The following ARHGAP44 variants were observed in gnomAD, a reference collection of about 807,000 sequenced individuals.
ARHGAP44 encodes the protein Rho GTPase activating protein 44.
A neutral mutation model predicts 106.8 loss-of-function variants in ARHGAP44; 43 were observed. That is an observed-to-expected ratio of 0.40 (90% confidence interval 0.32 to 0.52). The LOEUF (loss-of-function observed/expected upper bound fraction) is 0.52, where lower values mean the gene tolerates loss of function less well. Ranked by LOEUF, ARHGAP44 falls within the 20% of genes least tolerant of loss-of-function variation. ARHGAP44 has a pLI of 0.48. For missense variants in ARHGAP44, 866 were observed against 1,050.5 expected (o/e 0.82, Z 2.43); for synonymous variants, 439 against 410.3 (o/e 1.07, Z -0.85).
At chr17:12,979,950 A>C in intron 18 of ARHGAP44, 108 bp from the exon 19 acceptor site, 7 of 1,215,352 alleles carry the variant, frequency 5.8e-6, no homozygotes, top group Non-Finnish European at 6.8e-6. Context: ...GAGCTGGGAC[A>C]GACTTGCACG....
intron 6 of ARHGAP44, among the ~76,000 whole-genome samples, chr17:12,922,983 T>C (rs1350497832): frequency 2.0e-5 from 3 of 152,232 alleles, no homozygotes; most frequent in African/African-American, 7.2e-5. Context: ...TCATCTCCTG[T>C]ATATTAAAAT....
intron 18 of ARHGAP44, 64 bp downstream of exon 18, chr17:12,974,374 C>A: frequency 7.8e-7 from 1 of 1,274,458 alleles, no homozygotes; most frequent in South Asian, 2.0e-5. Context: ...CTGGGTTGGC[C>A]GCACTGGAGG....
At chr17:12,837,600 G>GT (rs1331767129) in intron 1 of ARHGAP44, among the ~76,000 whole-genome samples, 3 of 151,396 alleles carry the variant, frequency 2.0e-5, no homozygotes, top group African/African-American at 7.3e-5. Flanking sequence ...GTAACTGCAT[G>GT]TTGTTTTTTT....
chr17:12,866,615 G>A (rs2036246396), intron 1 of ARHGAP44, among the ~76,000 whole-genome samples: 1 of 152,236 alleles, frequency 6.6e-6, no homozygotes, highest in Non-Finnish European at 1.5e-5. Flanking sequence ...AACATGTGCA[G>A]TGTGTATACA....
intron 1 of ARHGAP44, among the ~76,000 whole-genome samples, chr17:12,879,667 A>G (rs1454749219): frequency 2.1e-5 from 3 of 144,930 alleles, no homozygotes; most frequent in Non-Finnish European, 3.0e-5. Flanking sequence ...ATGTATAAAT[A>G]TATGTGTGTG....
At chr17:12,979,449 C>T (rs2039776673) in intron 18 of ARHGAP44, among the ~76,000 whole-genome samples, 1 of 152,152 alleles carries the variant, frequency 6.6e-6, no homozygotes, top group Admixed American at 6.5e-5. Flanking sequence ...GACTGGGACT[C>T]AAACTGGCCC....
chr17:12,901,731 A>G (rs2037380920), intron 3 of ARHGAP44, among the ~76,000 whole-genome samples: 1 of 152,062 alleles, frequency 6.6e-6, no homozygotes, highest in Admixed American at 6.6e-5. Flanking sequence ...AACCCTGGGA[A>G]CTGCAGCATT....
At chr17:12,969,551 C>T (rs764356424) in intron 16 of ARHGAP44, among the ~76,000 whole-genome samples, 3 of 152,190 alleles carry the variant, frequency 2.0e-5, no homozygotes, top group Non-Finnish European at 2.9e-5. Flanking sequence ...TACCCAAATT[C>T]TCTGCTTTCA....
chr17:12,979,471 C>T (rs537240279), intron 18 of ARHGAP44, among the ~76,000 whole-genome samples: 51 of 152,264 alleles, frequency 3.3e-4, no homozygotes, highest in African/African-American at 1.2e-3. Flanking sequence ...CATTTAAGGG[C>T]ATGGCCTGGA....
At position 12,958,692 on chromosome 17, in the gene ARHGAP44, T is replaced by G. The variant is rs769731349; in HGVS notation, c.1343-25T>G. Reference sequence around the variant, plus strand: ...GGGTGTGGCAGACCAAGAGTTCACATGTACCAATTCTTTCTTCCCCGCAGA... The same window carrying G: ...GGGTGTGGCAGACCAAGAGTTCACAGGTACCAATTCTTTCTTCCCCGCAGA... On this transcript the variant is annotated intron_variant, in intron 15 of 20. Coordinates refer to ENST00000379672, the MANE Select transcript of ARHGAP44 (RefSeq NM_014859.6). The surrounding 1 kb of genome is among the most constrained non-coding windows in gnomAD (Gnocchi z 4.1). 8 of 1,610,160 alleles carry G rather than the reference T, an allele frequency of 5.0e-6. No homozygotes were observed. The highest frequency in any genetic ancestry group is 6.8e-6 in the Non-Finnish European group (8 of 1,177,024).
chr17:12,974,002 C>A lies in ARHGAP44; in HGVS notation c.1542-87C>A. On this transcript the variant is annotated intron_variant, in intron 17 of 20. Transcript: ENST00000379672. ...TAAAGCTGCGCTGCTCTTCTCCCAA[C>A]GCGGACCTGCTTGAATGTGGGGGAG... 5.1e-6 allele frequency: 7 copies of A among 1,376,684 alleles called. No homozygotes were observed. The East Asian group carries it at 1.8e-4, about 35-fold the overall frequency. The allele number at this position is 1,376,684 out of a possible 1,614,324, so 85.3% of individuals were successfully genotyped here.
intron 13 of ARHGAP44, among the ~76,000 whole-genome samples, chr17:12,954,340 T>G (rs2039075311): frequency 6.6e-6 from 1 of 152,206 alleles, no homozygotes; most frequent in Admixed American, 6.5e-5. Context: ...AGTAGTAAAT[T>G]GTACGTATAT....
At chr17:12,871,230 C>T (rs962034651) in intron 1 of ARHGAP44, among the ~76,000 whole-genome samples, 2 of 152,258 alleles carry the variant, frequency 1.3e-5, no homozygotes, top group East Asian at 1.9e-4. Flanking sequence ...TCAACTCTCA[C>T]GTCAAATTGT....
chr17:12,817,207 A>G lies in ARHGAP44; in HGVS notation c.53+27316A>G, dbSNP rs185411504. ...TTTCATGGGAAATTAAAAAGTATTT[A>G]GAACTGAATGAAAATGAAAACACAA... On this transcript the variant is annotated intron_variant, in intron 1 of 20. Transcript: ENST00000379672. Among the ~76,000 whole-genome samples the G allele has an allele frequency of 3.2e-4, 48 of 152,238 alleles. No homozygotes were observed. The East Asian group carries it at 8.9e-3, about 28-fold the overall frequency.
chr17:12,942,321 A>G (rs2038732958), intron 8 of ARHGAP44, among the ~76,000 whole-genome samples: 1 of 152,016 alleles, frequency 6.6e-6, no homozygotes, highest in African/African-American at 2.4e-5. Flanking sequence ...TAATTTTTGT[A>G]TTTTTAGTAG....
chr17:12,921,593 C>T (rs2038087735), intron 6 of ARHGAP44, among the ~76,000 whole-genome samples: 1 of 152,132 alleles, frequency 6.6e-6, no homozygotes, highest in Non-Finnish European at 1.5e-5. Context: ...CAATTTTAAT[C>T]ATCTTCACAG....
rs111855586 is a variant in ARHGAP44, at chr17:12,852,548, G to GTTTTTTT, written c.54-42385_54-42379dup. Among the ~76,000 whole-genome samples, 12 of 139,126 alleles carry GTTTTTTT rather than the reference G, an allele frequency of 8.6e-5. No individual in the cohort carries two copies. The East Asian group carries it at 2.3e-3, about 27-fold the overall frequency. The allele number at this position is 139,126 out of a possible 152,430, so 91.3% of individuals were successfully genotyped here. A position where few individuals can be genotyped will look rare whatever the true frequency, so the allele number is the denominator to read the frequency against. ...CTATTCTCTTTGGTTTGTTTGCTGT[G>GTTTTTTT]TTTTTTTTTTTTTGATGGCATCTTG... is the stretch of plus-strand genomic sequence containing the variant. On this transcript the variant is annotated intron_variant, in intron 1 of 20. Transcript: ENST00000379672.
intron 1 of ARHGAP44, among the ~76,000 whole-genome samples, chr17:12,857,056 G>A (rs1386828181): frequency 6.6e-6 from 1 of 151,988 alleles, no homozygotes; most frequent in Admixed American, 6.5e-5. Context: ...AATTGCCTCA[G>A]CACTTTAAAC....
At chr17:12,852,255 C>T (rs2035770443) in intron 1 of ARHGAP44, among the ~76,000 whole-genome samples, 8 of 138,896 alleles carry the variant, frequency 5.8e-5, no homozygotes, top group Admixed American at 5.7e-4. Flanking sequence ...CACATTTCAC[C>T]ACTAAATCTT....
Sources: allele counts gnomAD v4.1 joint callset (sites outside exome capture counted in the v4.1 genomes callset), GRCh38; gene constraint gnomAD v4.1.1; non-coding constraint Gnocchi (gnomAD v3.1); transcripts MANE v1.5; gene names NCBI Gene and HGNC (gene_info 2026-07-23, HGNC 2026-07-21).